NCAM1: variants seen among roughly 807,000 people sequenced by gnomAD.
The protein encoded by NCAM1 is neural cell adhesion molecule 1, also known as antigen recognized by monoclonal antibody 5.1H11.
NCAM1 carries 14 observed loss-of-function variants against 109.8 expected under a neutral mutation model. That is an observed-to-expected ratio of 0.13 (90% CI 0.08 to 0.20). The LOEUF (loss-of-function observed/expected upper bound fraction) is 0.20, where lower values mean the gene tolerates loss of function less well. NCAM1 is among the 10% of genes least tolerant of loss of function. The probability of loss-of-function intolerance (pLI) is 1.00; values close to 1 mark genes in which losing one functional copy is unlikely to be tolerated. For synonymous variants in NCAM1, 418 were observed against 442.9 expected, an observed-to-expected ratio of 0.94 and a Z score of 0.70; for missense variants, 774 against 1,109.9, an observed-to-expected ratio of 0.70 and a Z score of 4.30.
chr11:113,210,089 A>T (rs775224626), intron 7 of NCAM1, among the ~76,000 whole-genome samples: 51 of 152,198 alleles, frequency 3.4e-4, no homozygotes, highest in Non-Finnish European at 6.8e-4. Flanking sequence ...AACTGTCATT[A>T]GTTCTATATG....
chr11:113,219,098 A>G (rs1555114824), intron 8 of NCAM1, among the ~76,000 whole-genome samples: 1 of 152,246 alleles, frequency 6.6e-6, no homozygotes, highest in African/African-American at 2.4e-5. Flanking sequence ...AATGACTGAC[A>G]AAGGCCTATG....
intron 1 of NCAM1, among the ~76,000 whole-genome samples, chr11:113,125,649 G>A (rs1941143783): frequency 6.6e-6 from 1 of 152,218 alleles, no homozygotes; most frequent in Non-Finnish European, 1.5e-5. Context: ...TCTGCTCAGA[G>A]CCCGCTGGGC....
intron 1 of NCAM1, among the ~76,000 whole-genome samples, chr11:113,052,695 T>G (rs1953549055): frequency 6.6e-6 from 1 of 152,220 alleles, no homozygotes; most frequent in African/African-American, 2.4e-5. Context: ...TTTATTAGTA[T>G]TTTTATTTTT....
chr11:113,059,749 A>T (rs1555083182), intron 1 of NCAM1, among the ~76,000 whole-genome samples: 1 of 152,212 alleles, frequency 6.6e-6, no homozygotes. Context: ...ACCACATTGC[A>T]CAAGAGCATG....
intron 8 of NCAM1, among the ~76,000 whole-genome samples, chr11:113,215,549 CAG>C (rs1382430577): frequency 6.6e-6 from 1 of 152,150 alleles, no homozygotes; most frequent in African/African-American, 2.4e-5. Flanking sequence ...TGTGAAATTC[CAG>C]AGTTAAATTT....
chr11:113,142,110 T>C (rs536238165), intron 1 of NCAM1, among the ~76,000 whole-genome samples: 2 of 152,274 alleles, frequency 1.3e-5, no homozygotes, highest in South Asian at 4.1e-4. Context: ...GACTACCACT[T>C]ATTGGGTGCC....
In NCAM1 at chr11:113,207,368, A is replaced by G; in HGVS notation, c.736A>G (p.Ser246Gly). The G allele has an allele frequency of 6.2e-7, 1 of 1,613,238 alleles. No individual in the cohort carries two copies. Among genetic ancestry groups the G allele is most frequent in the Non-Finnish European group, 8.5e-7 (1 of 1,179,190 alleles). ...CGAAGGCTTCCCAGAGCCCACCATGAGCTGGACAAAGTAAGAAACTGGCTC... is the reference window on the plus strand; with the variant it reads ...CGAAGGCTTCCCAGAGCCCACCATGGGCTGGACAAAGTAAGAAACTGGCTC... Reference protein sequence around the residue: ...DAEGFPEPTMSWTKDGEQIEQ... With the variant: ...DAEGFPEPTMGWTKDGEQIEQ... Residue 246 changes from serine to glycine, a missense_variant, in exon 6 of 20, where the codon AGC (serine) becomes GGC (glycine). Around this residue, in one of 4 missense-constraint regions of NCAM1, gnomAD observed 523 missense variants for 784.2 expected, o/e 0.67. Coordinates refer to ENST00000316851, the MANE Select transcript of NCAM1 (RefSeq NM_181351.5).
intron 1 of NCAM1, among the ~76,000 whole-genome samples, chr11:113,194,794 G>A (rs917202459): frequency 6.6e-6 from 1 of 152,166 alleles, no homozygotes; most frequent in Non-Finnish European, 1.5e-5. Flanking sequence ...ACGCCTCAGG[G>A]GAAACCCAGG....
chr11:113,019,588 A>G (rs1224861972), intron 1 of NCAM1, among the ~76,000 whole-genome samples: 1 of 152,028 alleles, frequency 6.6e-6, no homozygotes, highest in African/African-American at 2.4e-5. Context: ...CTTTTCTTTT[A>G]CACTGTTCTT....
intron 1 of NCAM1, among the ~76,000 whole-genome samples, chr11:113,169,036 CTGTGTGTGTGTGTGTGTG>C (rs10562516): frequency 2.0e-5 from 3 of 146,792 alleles, no homozygotes; most frequent in African/African-American, 7.5e-5. Context: ...CTTCCTCTTT[CTGTGTGTGTGTGTGTGTG>C]TGTGTGTGTG....
intron 14 of NCAM1, among the ~76,000 whole-genome samples, chr11:113,236,556 G>A (rs1555118338): frequency 6.6e-6 from 1 of 152,084 alleles, no homozygotes; most frequent in African/African-American, 2.4e-5. Context: ...TGGAAATTGT[G>A]CTTATTTATT....
At chr11:113,030,152 T>C (rs1952672094) in intron 1 of NCAM1, among the ~76,000 whole-genome samples, 1 of 152,206 alleles carries the variant, frequency 6.6e-6, no homozygotes, top group Non-Finnish European at 1.5e-5. Context: ...ATATGAGTAG[T>C]GCCTGTCTAA....
At chr11:113,145,248 T>A (rs1197733790) in intron 1 of NCAM1, among the ~76,000 whole-genome samples, 2 of 152,200 alleles carry the variant, frequency 1.3e-5, no homozygotes, top group African/African-American at 4.8e-5. Context: ...AACAGACCTT[T>A]GTGGTAAAAT....
intron 15 of NCAM1, among the ~76,000 whole-genome samples, chr11:113,254,839 A>G (rs1466584791): frequency 1.3e-5 from 2 of 152,216 alleles, no homozygotes; most frequent in Non-Finnish European, 2.9e-5. Context: ...TCCTCACAGA[A>G]GTGCAGGATT....
At chr11:113,053,637 A>C (rs550547490) in intron 1 of NCAM1, among the ~76,000 whole-genome samples, 33 of 152,196 alleles carry the variant, frequency 2.2e-4, no homozygotes, top group Non-Finnish European at 4.6e-4. Flanking sequence ...AATTTTGTGA[A>C]GTTTGGGGTT....
At chr11:113,009,774 A>G (rs1951998602) in intron 1 of NCAM1, among the ~76,000 whole-genome samples, 1 of 152,168 alleles carries the variant, frequency 6.6e-6, no homozygotes, top group Admixed American at 6.5e-5. Context: ...AGATAAAGGG[A>G]GTAATATGGG....
At chr11:113,066,287 T>A (rs1345907003) in intron 1 of NCAM1, among the ~76,000 whole-genome samples, 1 of 152,214 alleles carries the variant, frequency 6.6e-6, no homozygotes. Flanking sequence ...ATAAAGGTAT[T>A]AAGATTGTTT....
At chr11:113,020,019 G>A (rs1222469633) in intron 1 of NCAM1, among the ~76,000 whole-genome samples, 5 of 152,160 alleles carry the variant, frequency 3.3e-5, no homozygotes, top group African/African-American at 1.2e-4. Context: ...TTATAAAGAG[G>A]TCATTTTTGC....
At chr11:112,995,189 C>CA (rs1190929390) in intron 1 of NCAM1, among the ~76,000 whole-genome samples, 1 of 84,048 alleles carries the variant, frequency 1.2e-5, no homozygotes, top group East Asian at 8.8e-4. Context: ...CTGCATCCTA[C>CA]CCCCCGCCAC....
Sources: allele counts gnomAD v4.1 joint callset (sites outside exome capture counted in the v4.1 genomes callset), GRCh38; gene constraint gnomAD v4.1.1; regional missense constraint gnomAD v4.1.1; transcripts MANE v1.5; gene names NCBI Gene and HGNC (gene_info 2026-07-23, HGNC 2026-07-21).